SLC7A5: variants seen among roughly 807,000 people sequenced by gnomAD.
SLC7A5 encodes large neutral amino acids transporter small subunit 1.
Under a neutral mutation model 50.2 loss-of-function variants are expected in SLC7A5, and 23 were observed. The ratio of observed to expected loss-of-function variants is 0.46; its 90% CI spans 0.33 to 0.65. The LOEUF (loss-of-function observed/expected upper bound fraction) is 0.65. SLC7A5 is among the 30% of genes least tolerant of loss of function. The pLI, the probability that SLC7A5 is intolerant of heterozygous loss-of-function variation, is 0.02. For synonymous variants in SLC7A5, 393 were observed against 330.6 expected (o/e 1.19, Z -2.05); for missense variants, 578 against 684.4 (o/e 0.84, Z 1.73).
Position 87,869,441 on chromosome 16 carries a change from G to C in SLC7A5, c.-19C>G. The C allele has an allele frequency of 7.1e-7, 1 of 1,399,044 alleles. No homozygotes were observed. Among genetic ancestry groups the C allele is most frequent in the Non-Finnish European group, 9.2e-7 (1 of 1,087,132 alleles). 86.7% of individuals were successfully genotyped at this position (1,399,044 alleles called of 1,614,324 possible). On this transcript the variant is annotated 5_prime_UTR_variant, in exon 1 of 10. Coordinates refer to ENST00000261622, the MANE Select transcript of SLC7A5 (RefSeq NM_003486.7). ...CCGCCATGCTCTGCGCACCGGCCGG[G>C]CCTGGGACACCCGGGAGCCGCGGCC...
chr16:87,859,895 C>A (rs2055367969), intron 1 of SLC7A5, among the ~76,000 whole-genome samples: 1 of 151,798 alleles, frequency 6.6e-6, no homozygotes, highest in African/African-American at 2.4e-5. Flanking sequence ...CATGCCACTG[C>A]ACTCCAGCCT....
chr16:87,843,670 C>T (rs2055111447), intron 2 of SLC7A5, among the ~76,000 whole-genome samples: 1 of 152,174 alleles, frequency 6.6e-6, no homozygotes, highest in South Asian at 2.1e-4. Context: ...GGGCATTCTG[C>T]ACACCGGGAG....
In SLC7A5 at chr16:87,862,989, C is replaced by G. The variant is rs1013650722; in HGVS notation, c.538+5896G>C. Among the ~76,000 whole-genome samples, 1 of 152,212 alleles carries G rather than the reference C, an allele frequency of 6.6e-6. No homozygotes were observed. On this transcript the variant is annotated intron_variant, in intron 1 of 9. Transcript: ENST00000261622. The surrounding 1 kb of genome is among the most constrained non-coding windows in gnomAD (Gnocchi z 5.3). ...ACCCGCAGCCAGAGTCCCGCGAGAC[C>G]GACGGACGGCCTGCCCCTGCGTGAC...
rs1475857404 is a variant in SLC7A5, at chr16:87,854,141, A to T, written c.539-2292T>A. The stretch of plus-strand genomic sequence containing the variant: ...ACCCAGCCGCTCCCCAACCAAAAAC[A>T]GTCTGGAGGGGCTGACGGGTGCCAC... On this transcript the variant is annotated intron_variant, in intron 1 of 9. Transcript: ENST00000261622. Among the ~76,000 whole-genome samples the T allele has an allele frequency of 2.3e-4, 33 of 144,234 alleles. No homozygotes were observed. The South Asian group carries it at 4.8e-3, about 21-fold the overall frequency. The allele number at this position is 144,234 out of a possible 152,430, so 94.6% of individuals were successfully genotyped here. A position where few individuals can be genotyped will look rare whatever the true frequency, so the allele number is the denominator to read the frequency against.
intron 1 of SLC7A5, among the ~76,000 whole-genome samples, chr16:87,867,891 G>A (rs1175304316): frequency 1.3e-5 from 2 of 152,030 alleles, no homozygotes; most frequent in Non-Finnish European, 2.9e-5. Context: ...CGAGGCGGGC[G>A]GATCACAAGG....
At position 87,832,849 on chromosome 16, in the gene SLC7A5, G is replaced by T; in HGVS notation, c.*121C>A. The stretch of plus-strand genomic sequence containing the variant: ...CTCCACTGCCCGACCTGGGAGGGAC[G>T]GCGAGGGACTGGGATGGGCAGCTGA... On this transcript the variant is annotated 3_prime_UTR_variant, in exon 10 of 10. Transcript: ENST00000261622. The surrounding 1 kb of genome is among the most constrained non-coding windows in gnomAD (Gnocchi z 4.6). 1 of 815,818 alleles carries T rather than the reference G, an allele frequency of 1.2e-6. No homozygotes were observed. The highest frequency in any genetic ancestry group is 2.2e-6 in the Non-Finnish European group (1 of 464,664). The allele number at this position is 815,818 out of a possible 1,614,324, so 50.5% of individuals were successfully genotyped here. A position where few individuals can be genotyped will look rare whatever the true frequency, so the allele number is the denominator to read the frequency against.
At chr16:87,868,402 G>C (rs140271169) in intron 1 of SLC7A5, among the ~76,000 whole-genome samples, 26,366 of 152,052 alleles carry the variant, frequency 0.17, 3,307 homozygotes, top group African/African-American at 0.35. Flanking sequence ...TTTCTTATGA[G>C]TCAGCCCGTG....
At chr16:87,842,172 C>T (rs562484389) in intron 2 of SLC7A5, among the ~76,000 whole-genome samples, 1 of 152,350 alleles carries the variant, frequency 6.6e-6, no homozygotes, top group East Asian at 1.9e-4. Context: ...GGTGCATATA[C>T]AGCTGGAGGC....
At chr16:87,851,066 C>T (rs185818630) in intron 2 of SLC7A5, among the ~76,000 whole-genome samples, 1 of 152,256 alleles carries the variant, frequency 6.6e-6, no homozygotes, top group Non-Finnish European at 1.5e-5. Flanking sequence ...CCCAAGATCA[C>T]ACAGCACAAG....
rs2055499898 is a variant in SLC7A5, at chr16:87,869,135, G to A, written c.288C>T (p.Ser96=). Residue 96 remains serine, a synonymous_variant, in exon 1 of 10, where the codon TCC becomes TCT. Transcript: ENST00000261622. ...CCGCGTAGCAGAGCGCGCCCACGAT[G>A]GAGAAGACGCCGCACGCGGCCCACA... ...LVVWAACGVF[S]IVGALCYAEL... The A allele has an allele frequency of 4.3e-6, 7 of 1,611,814 alleles. No individual in the cohort carries two copies. The highest frequency in any genetic ancestry group is 1.3e-5 in the African/African-American group (1 of 74,902).
Position 87,840,320 on chromosome 16 carries a change from G to T in SLC7A5, c.815+109C>A, listed in dbSNP as rs76059171. Reference sequence around the variant, plus strand: ...GCCCCAGAGGCCCCAATCACGGCCCGACTGTGAACTGGCCTGAGCCGACCA... The same window carrying T: ...GCCCCAGAGGCCCCAATCACGGCCCTACTGTGAACTGGCCTGAGCCGACCA... On this transcript the variant is annotated intron_variant, in intron 4 of 9. Coordinates refer to ENST00000261622, the MANE Select transcript of SLC7A5 (RefSeq NM_003486.7). 2.5e-3 allele frequency: 2,583 copies of T among 1,014,208 alleles called. 38 individuals carry two copies. In the African/African-American group the frequency reaches 0.037, roughly 15 times the overall value. The allele number at this position is 1,014,208 out of a possible 1,614,324, so 62.8% of individuals were successfully genotyped here. A position where few individuals can be genotyped will look rare whatever the true frequency, so the allele number is the denominator to read the frequency against.
intron 3 of SLC7A5, among the ~76,000 whole-genome samples, 197 bp downstream of exon 3, chr16:87,840,853 C>T (rs1335152916): frequency 2.6e-5 from 4 of 151,720 alleles, no homozygotes; most frequent in East Asian, 1.9e-4. Flanking sequence ...CTGCAGCGGG[C>T]GGCCTCCCCA....
chr16:87,846,608 A>G (rs1482711379), intron 2 of SLC7A5, among the ~76,000 whole-genome samples: 3 of 152,142 alleles, frequency 2.0e-5, no homozygotes, highest in Admixed American at 2.0e-4. Context: ...ACTCTCCCAC[A>G]AGGAAACACA....
At position 87,853,373 on chromosome 16, in the gene SLC7A5, A is replaced by C. The variant is rs780553873; in HGVS notation, c.539-1524T>G. 7.2e-5 allele frequency among the ~76,000 whole-genome samples: 11 copies of C among 152,216 alleles called. No individual in the cohort carries two copies. The highest frequency in any genetic ancestry group is 1.0e-4 in the Non-Finnish European group (7 of 68,038). ...AGAGCGGAGACGGCTACTACACACC[A>C]GGAAAGTCTGGTTGAAAAATGTCTG... On this transcript the variant is annotated intron_variant, in intron 1 of 9. Transcript: ENST00000261622. The surrounding 1 kb of genome is among the most constrained non-coding windows in gnomAD (Gnocchi z 4.4).
intron 1 of SLC7A5, among the ~76,000 whole-genome samples, chr16:87,865,382 G>A (rs530160490): frequency 1.2e-4 from 19 of 152,268 alleles, no homozygotes; most frequent in African/African-American, 3.8e-4. Context: ...CTGCCTTGAA[G>A]CTTTACCTAC....
In SLC7A5 at chr16:87,845,305, G is replaced by A. The variant is rs2055137514; in HGVS notation, c.665-4150C>T. On this transcript the variant is annotated intron_variant, in intron 2 of 9. Transcript: ENST00000261622. ...ATGGCACCTCATCTAAGAGGGGGCT[G>A]TGAGTCCCATGTGGTCAGCACCCTG... 2.0e-5 allele frequency among the ~76,000 whole-genome samples: 3 copies of A among 152,248 alleles called. No individual in the cohort carries two copies. The South Asian group carries it at 6.2e-4, about 31-fold the overall frequency.
intron 1 of SLC7A5, among the ~76,000 whole-genome samples, chr16:87,854,655 G>A (rs773491475): frequency 2.5e-4 from 38 of 152,254 alleles, no homozygotes; most frequent in Non-Finnish European, 4.6e-4. Flanking sequence ...AAGTGTGGCC[G>A]CGCCAGCCTG....
At chr16:87,838,974 G>A (rs1281645935) in intron 5 of SLC7A5, among the ~76,000 whole-genome samples, 157 bp from the exon 6 acceptor site, 1 of 152,330 alleles carries the variant, frequency 6.6e-6, no homozygotes, top group East Asian at 1.9e-4. Flanking sequence ...CCTCTGGGGG[G>A]ACTTCCCAGG....
At chr16:87,856,411 G>T (rs1481132352) in intron 1 of SLC7A5, among the ~76,000 whole-genome samples, 1 of 152,250 alleles carries the variant, frequency 6.6e-6, no homozygotes, top group Non-Finnish European at 1.5e-5. Flanking sequence ...AGCCCAGGCA[G>T]CCTGGTCCCC....
Sources: allele counts gnomAD v4.1 joint callset (sites outside exome capture counted in the v4.1 genomes callset), GRCh38; gene constraint gnomAD v4.1.1; non-coding constraint Gnocchi (gnomAD v3.1); transcripts MANE v1.5; gene names NCBI Gene and HGNC (gene_info 2026-07-23, HGNC 2026-07-21).